The following CLINT1 variants were observed in gnomAD, a reference collection of about 807,000 sequenced individuals.
CLINT1 encodes the protein clathrin interacting protein localized in the trans-Golgi region.
In CLINT1, 15 loss-of-function variants were observed where a neutral mutation model predicts 70.4. That is an observed-to-expected ratio of 0.21 (90% CI 0.14 to 0.33). CLINT1 has a LOEUF of 0.33. Among genes scored for constraint, CLINT1 ranks in the 10% least tolerant of loss-of-function variants. CLINT1 has a pLI of 1.00. For synonymous variants in CLINT1, 227 were observed against 254.7 expected (o/e 0.89, Z 1.04); for missense variants, 615 against 778.1 (o/e 0.79, Z 2.49).
chr5:157,819,420 C>G (rs558249971), intron 1 of CLINT1, among the ~76,000 whole-genome samples: 41 of 152,280 alleles, frequency 2.7e-4, no homozygotes, highest in Non-Finnish European at 5.0e-4. Flanking sequence ...GCCCACCCCC[C>G]CTTAAAAATG....
intron 1 of CLINT1, among the ~76,000 whole-genome samples, chr5:157,844,906 T>C (rs540696771): frequency 1.3e-5 from 2 of 152,372 alleles, no homozygotes; most frequent in Admixed American, 6.5e-5. Flanking sequence ...TTTTCACCTA[T>C]GGAAACATCT....
chr5:157,859,044 G>A lies in CLINT1; in HGVS notation c.-74C>T, dbSNP rs1753858965. 4.4e-5 allele frequency: 69 copies of A among 1,552,310 alleles called. No individual in the cohort carries two copies. In the South Asian group the frequency reaches 7.3e-4, roughly 16 times the overall value. ...GACCCCGGAACACTTCCGTACCGGG[G>A]CAGTTCCAGGCCGGGGTCACCGCCG... On this transcript the variant is annotated 5_prime_UTR_variant, in exon 1 of 12. Coordinates refer to ENST00000411809, the MANE Select transcript of CLINT1 (RefSeq NM_014666.4).
chr5:157,815,708 G>A (rs1762700139), intron 3 of CLINT1, among the ~76,000 whole-genome samples: 1 of 152,182 alleles, frequency 6.6e-6, no homozygotes, highest in Admixed American at 6.5e-5. Context: ...ATCATAGAGT[G>A]TACTTACACA....
chr5:157,789,563 A>G, intron 10 of CLINT1, 50 bp from the exon 11 acceptor site: 1 of 1,612,422 alleles, frequency 6.2e-7, no homozygotes, highest in Non-Finnish European at 8.5e-7. Flanking sequence ...AACATTTTGC[A>G]AAGGCTGGAA....
At chr5:157,794,751 TA>T in intron 9 of CLINT1, 146 bp downstream of exon 9, 1 of 664,036 alleles carries the variant, frequency 1.5e-6, no homozygotes, top group South Asian at 2.0e-5. Flanking sequence ...ATCTGCCCAA[TA>T]AAATACCTTG....
At chr5:157,822,956 T>TAAGGAGTA (rs1289816978) in intron 1 of CLINT1, among the ~76,000 whole-genome samples, 1 of 152,204 alleles carries the variant, frequency 6.6e-6, no homozygotes, top group African/African-American at 2.4e-5. Flanking sequence ...AACAAAGGAA[T>TAAGGAGTA]AAGGAGTAAA....
intron 8 of CLINT1, among the ~76,000 whole-genome samples, chr5:157,802,126 C>T (rs932520646): frequency 1.3e-5 from 2 of 152,208 alleles, no homozygotes; most frequent in South Asian, 4.2e-4. Context: ...AACTCCTGAC[C>T]TCAGGTGATC....
At chr5:157,833,152 A>C (rs1441655873) in intron 1 of CLINT1, among the ~76,000 whole-genome samples, 1 of 151,932 alleles carries the variant, frequency 6.6e-6, no homozygotes, top group Non-Finnish European at 1.5e-5. Flanking sequence ...GGAAATCGAG[A>C]CCAGCCTGGC....
chr5:157,814,426 A>G, intron 3 of CLINT1, 133 bp from the exon 4 acceptor site: 1 of 636,602 alleles, frequency 1.6e-6, no homozygotes, highest in Non-Finnish European at 2.7e-6. Context: ...TCTTTACATT[A>G]GACTTTAAAC....
In CLINT1 at chr5:157,812,023, T is replaced by TAAAAAAAA. The variant is rs370230447; in HGVS notation, c.517+1032_517+1039dup. Among the ~76,000 whole-genome samples the TAAAAAAAA allele has an allele frequency of 6.6e-3, 1,003 of 150,838 alleles. 12 individuals carry two copies. The highest frequency in any genetic ancestry group is 0.023 in the African/African-American group (954 of 40,876). On this transcript the variant is annotated intron_variant, in intron 5 of 11. Coordinates refer to ENST00000411809, the MANE Select transcript of CLINT1 (RefSeq NM_014666.4). ...GCACTGCCTATGAGTTAGCCCTATTTAAAAAAAAGAAAAAGAAAAAACTAA... is the reference window on the plus strand; with the variant it reads ...GCACTGCCTATGAGTTAGCCCTATTTAAAAAAAAAAAAAAAAGAAAAAGAAAAAACTAA...
intron 10 of CLINT1, 48 bp downstream of exon 10, chr5:157,791,655 A>C (rs751454631): frequency 4.7e-6 from 7 of 1,505,058 alleles, no homozygotes; most frequent in Non-Finnish European, 6.3e-6. Context: ...GAGTTAGAGC[A>C]TCTCAAAGAT....
chr5:157,830,083 G>A (rs1299626029), intron 1 of CLINT1, among the ~76,000 whole-genome samples: 1 of 151,714 alleles, frequency 6.6e-6, no homozygotes, highest in Non-Finnish European at 1.5e-5. Flanking sequence ...CAAGTAGCTG[G>A]GACTACAGAT....
At chr5:157,843,205 GAACCTAAAA>G (rs987901618) in intron 1 of CLINT1, among the ~76,000 whole-genome samples, 2 of 151,918 alleles carry the variant, frequency 1.3e-5, no homozygotes, top group Non-Finnish European at 2.9e-5. Context: ...CTATTAATTG[GAACCTAAAA>G]ATGGCCTTTG....
intron 10 of CLINT1, chr5:157,789,848 C>T (rs1761848539): frequency 4.9e-6 from 2 of 407,208 alleles, no homozygotes; most frequent in Admixed American, 4.0e-5. Context: ...AGGGGAACTA[C>T]CGATTTTAGG....
At chr5:157,793,763 G>A (rs1285379284) in intron 9 of CLINT1, among the ~76,000 whole-genome samples, 3 of 152,084 alleles carry the variant, frequency 2.0e-5, no homozygotes, top group Non-Finnish European at 4.4e-5. Context: ...GAAATACTTG[G>A]AATTTACAAA....
intron 1 of CLINT1, among the ~76,000 whole-genome samples, chr5:157,819,123 T>C (rs1310366458): frequency 6.6e-6 from 1 of 152,206 alleles, no homozygotes; most frequent in East Asian, 1.9e-4. Context: ...AAATTTCAAA[T>C]TTATTACAAA....
intron 10 of CLINT1, 43 bp from the exon 11 acceptor site, chr5:157,789,556 A>AT: frequency 6.2e-7 from 1 of 1,613,758 alleles, no homozygotes; most frequent in Non-Finnish European, 8.5e-7. Flanking sequence ...CTGTGCTAAC[A>AT]TTTTGCAAAG....
intron 1 of CLINT1, among the ~76,000 whole-genome samples, chr5:157,837,649 C>CTTTTGTTT (rs1763472089): frequency 1.4e-5 from 2 of 138,554 alleles, no homozygotes; most frequent in Admixed American, 1.5e-4. Flanking sequence ...AGCTCTTTTA[C>CTTTTGTTT]TTTTTTTTTT....
intron 5 of CLINT1, among the ~76,000 whole-genome samples, chr5:157,811,841 C>T (rs371773243): frequency 6.6e-6 from 1 of 152,120 alleles, no homozygotes; most frequent in East Asian, 1.9e-4. Flanking sequence ...TAAGTTGCTA[C>T]AACTACTTTG....
Sources: gnomAD v4.1 joint callset for allele counts (sites outside exome capture counted in the v4.1 genomes callset) on GRCh38, gnomAD v4.1.1 for gene constraint, MANE v1.5 for transcripts, NCBI Gene and HGNC (gene_info 2026-07-23, HGNC 2026-07-21) for gene names.